AUTS2: variants seen among roughly 807,000 people sequenced by gnomAD.
AUTS2 encodes autism susceptibility gene 2 protein.
A neutral mutation model predicts 112.4 loss-of-function variants in AUTS2; 17 were observed. The observed-to-expected ratio is 0.15, with a 90% CI of 0.10 to 0.23. The LOEUF is 0.23. Among genes scored for constraint, AUTS2 ranks in the 10% least tolerant of loss-of-function variants. The probability of loss-of-function intolerance (pLI) is 1.00; values close to 1 mark genes in which losing one functional copy is unlikely to be tolerated. For missense variants in AUTS2, 1,510 were observed against 1,701.6 expected, an observed-to-expected ratio of 0.89 and a Z score of 1.98; for synonymous variants, 751 against 702.7, an observed-to-expected ratio of 1.07 and a Z score of -1.09.
intron 6 of AUTS2, chr7:70,729,154 T>A: frequency 2.2e-6 from 1 of 456,612 alleles, no homozygotes; most frequent in South Asian, 1.5e-5. Context: ...TTTCTCCTGG[T>A]GCTTTCCAGA....
At chr7:70,333,843 A>G (rs1790870930) in intron 4 of AUTS2, among the ~76,000 whole-genome samples, 2 of 152,174 alleles carry the variant, frequency 1.3e-5, no homozygotes, top group Non-Finnish European at 1.5e-5. Context: ...GCATTAGCAG[A>G]AATACCTTAT....
At chr7:70,506,637 G>T (rs558716642) in intron 5 of AUTS2, among the ~76,000 whole-genome samples, 1 of 152,288 alleles carries the variant, frequency 6.6e-6, no homozygotes, top group Admixed American at 6.5e-5. Flanking sequence ...CGCGCCCAGC[G>T]TAAAGGTCAA....
intron 4 of AUTS2, among the ~76,000 whole-genome samples, chr7:70,221,935 TATC>T (rs1352894973): frequency 6.6e-6 from 1 of 152,170 alleles, no homozygotes; most frequent in East Asian, 1.9e-4. Flanking sequence ...TTTGGCTTTT[TATC>T]ATCATATATT....
chr7:69,912,665 A>G (rs999706822), intron 2 of AUTS2, among the ~76,000 whole-genome samples: 2 of 152,184 alleles, frequency 1.3e-5, no homozygotes, highest in Non-Finnish European at 2.9e-5. Context: ...CAAACTGAGC[A>G]GACCCATATT....
chr7:70,473,712 CT>C (rs112680628), intron 5 of AUTS2, among the ~76,000 whole-genome samples: 4,168 of 130,454 alleles, frequency 0.032, 88 homozygotes, highest in Admixed American at 0.1. Flanking sequence ...TTTGGTGGGG[CT>C]TTTTTTTTTT....
chr7:70,213,342 C>T (rs930885995), intron 4 of AUTS2, among the ~76,000 whole-genome samples: 2 of 141,764 alleles, frequency 1.4e-5, no homozygotes, highest in Admixed American at 7.3e-5. Flanking sequence ...GCCTGGTTAA[C>T]GATACAAGAC....
chr7:70,598,736 A>G (rs774523126), intron 5 of AUTS2, among the ~76,000 whole-genome samples: 1 of 152,180 alleles, frequency 6.6e-6, no homozygotes, highest in Admixed American at 6.5e-5. Context: ...GTTTCCTTCT[A>G]TGATAACATC....
intron 4 of AUTS2, among the ~76,000 whole-genome samples, chr7:70,171,894 GT>G (rs11295400): frequency 0.18 from 25,873 of 145,476 alleles, 2,549 homozygotes; most frequent in African/African-American, 0.26. Flanking sequence ...TTATAAACAA[GT>G]TTTTTTTTTT....
intron 1 of AUTS2, among the ~76,000 whole-genome samples, chr7:69,674,816 AAAG>A (rs1354462031): frequency 2.6e-5 from 4 of 152,086 alleles, no homozygotes; most frequent in Non-Finnish European, 5.9e-5. Flanking sequence ...TGGCTAGGGA[AAAG>A]AGTAGTCAAG....
At chr7:69,715,124 T>G (rs1234273610) in intron 1 of AUTS2, among the ~76,000 whole-genome samples, 1 of 151,500 alleles carries the variant, frequency 6.6e-6, no homozygotes, top group East Asian at 1.9e-4. Flanking sequence ...GGAGGTCATT[T>G]ACCACCTGAG....
chr7:70,310,345 T>G (rs2129615158), intron 4 of AUTS2, among the ~76,000 whole-genome samples: 1 of 152,196 alleles, frequency 6.6e-6, no homozygotes, highest in African/African-American at 2.4e-5. Context: ...ACGCGGTGGC[T>G]CACGCCTGTA....
chr7:69,680,320 T>C (rs527540655), intron 1 of AUTS2, among the ~76,000 whole-genome samples: 19 of 152,242 alleles, frequency 1.2e-4, no homozygotes, highest in Non-Finnish European at 2.2e-4. Context: ...AAATATACTG[T>C]CTGATTCAAT....
chr7:70,107,354 T>C (rs1009845988), intron 2 of AUTS2, among the ~76,000 whole-genome samples: 15 of 147,324 alleles, frequency 1.0e-4, no homozygotes, highest in African/African-American at 3.8e-4. Context: ...TTTTTTTTTT[T>C]TTTTCTTTGA....
intron 1 of AUTS2, among the ~76,000 whole-genome samples, chr7:69,643,792 A>C (rs1365701335): frequency 6.6e-6 from 1 of 152,156 alleles, no homozygotes; most frequent in Non-Finnish European, 1.5e-5. Context: ...CCAAATTCGT[A>C]TGTTGAAGCT....
intron 2 of AUTS2, among the ~76,000 whole-genome samples, chr7:70,047,370 T>C (rs1414025152): frequency 2.0e-5 from 3 of 152,200 alleles, no homozygotes; most frequent in Non-Finnish European, 2.9e-5. Flanking sequence ...CACTAAGGGA[T>C]ATATATTGTA....
intron 5 of AUTS2, among the ~76,000 whole-genome samples, chr7:70,568,727 T>A (rs1448809517): frequency 6.6e-6 from 1 of 152,204 alleles, no homozygotes; most frequent in Non-Finnish European, 1.5e-5. Context: ...ACCATCTCCA[T>A]GTCCACATCC....
intron 4 of AUTS2, among the ~76,000 whole-genome samples, chr7:70,189,009 A>T (rs1216890164): frequency 1.3e-5 from 2 of 152,228 alleles, no homozygotes; most frequent in Admixed American, 6.5e-5. Context: ...CAAATATAGG[A>T]ATTACGCCAA....
At chr7:69,909,097 C>G (rs1414692604) in intron 2 of AUTS2, among the ~76,000 whole-genome samples, 2 of 152,116 alleles carry the variant, frequency 1.3e-5, no homozygotes, top group Non-Finnish European at 2.9e-5. Context: ...GTTAGCAAAA[C>G]TTGGGAAGAA....
At position 69,716,216 on chromosome 7, in the gene AUTS2, CTG is replaced by C. The variant is rs1230142346; in HGVS notation, c.309+116266_309+116267del. The stretch of plus-strand genomic sequence containing the variant: ...ATAGGTTTTCAGATACTCTGTGTGT[CTG>C]TGTGTGTGTGTTTGTGTGTGTGTGT... On this transcript the variant is annotated intron_variant, in intron 1 of 18. Coordinates refer to ENST00000342771, the MANE Select transcript of AUTS2 (RefSeq NM_015570.4). Among the ~76,000 whole-genome samples, 15 of 151,142 alleles carry C rather than the reference CTG, an allele frequency of 9.9e-5. No homozygotes were observed. In the East Asian group the frequency reaches 2.1e-3, roughly 22 times the overall value.
Sources: allele counts gnomAD v4.1 joint callset (sites outside exome capture counted in the v4.1 genomes callset), GRCh38; gene constraint gnomAD v4.1.1; transcripts MANE v1.5; gene names NCBI Gene and HGNC (gene_info 2026-07-23, HGNC 2026-07-21).